PCDHGB1: variants seen among roughly 807,000 people sequenced by gnomAD.
PCDHGB1 encodes protocadherin gamma subfamily B, 1.
In PCDHGB1, 34 loss-of-function variants were observed where a neutral mutation model predicts 56.6. The observed-to-expected ratio is 0.60, with a 90% CI of 0.46 to 0.80. The LOEUF (loss-of-function observed/expected upper bound fraction) is 0.80, where lower values mean the gene tolerates loss of function less well. Ranked by LOEUF, PCDHGB1 falls within the 30% of genes least tolerant of loss-of-function variation. The probability of loss-of-function intolerance (pLI) is 0.00; values close to 1 mark genes in which losing one functional copy is unlikely to be tolerated. For missense variants in PCDHGB1, 1,278 were observed against 1,204.6 expected, an observed-to-expected ratio of 1.06 and a Z score of -0.90; for synonymous variants, 561 against 505.9, an observed-to-expected ratio of 1.11 and a Z score of -1.46.
chr5:141,360,494 C>A (rs769927521), intron 1 of PCDHGB1: 3 of 1,613,924 alleles, frequency 1.9e-6, no homozygotes, highest in Admixed American at 1.7e-5. Context: ...TTCTACATAG[C>A]AGTAATTGTG....
chr5:141,401,446 A>G (rs1200787289), intron 1 of PCDHGB1, among the ~76,000 whole-genome samples: 1 of 152,244 alleles, frequency 6.6e-6, no homozygotes, highest in Non-Finnish European at 1.5e-5. Context: ...GAAGGTCCAA[A>G]TCATCCAAAT....
At position 141,393,679 on chromosome 5, in the gene PCDHGB1, C is replaced by T. The variant is rs1188443485; in HGVS notation, c.2409+41010C>T. 4.3e-6 allele frequency: 7 copies of T among 1,613,894 alleles called. No individual in the cohort carries two copies. Among genetic ancestry groups the T allele is most frequent in the Non-Finnish European group, 5.9e-6 (7 of 1,179,900 alleles). ...TTCCGGAAAATTAATGAAAAACAAA[C>T]TCCGTTATTCCAGCTTAATGAAAAT... On this transcript the variant is annotated intron_variant, in intron 1 of 3. Transcript: ENST00000523390.
intron 1 of PCDHGB1, among the ~76,000 whole-genome samples, chr5:141,363,946 A>T (rs1763122244): frequency 1.3e-5 from 2 of 152,228 alleles, no homozygotes; most frequent in African/African-American, 4.8e-5. Flanking sequence ...AATCATATTG[A>T]TCTCAGGGAT....
At chr5:141,488,438 C>T (rs2099675393) in intron 1 of PCDHGB1, among the ~76,000 whole-genome samples, 1 of 152,146 alleles carries the variant, frequency 6.6e-6, no homozygotes, top group African/African-American at 2.4e-5. Flanking sequence ...CTCTGACCAC[C>T]CTCCTGGGTG....
intron 1 of PCDHGB1, chr5:141,366,278 G>T: frequency 1.2e-6 from 2 of 1,613,712 alleles, no homozygotes; most frequent in Non-Finnish European, 1.7e-6. Context: ...CGAAGACCAT[G>T]GCCAGCCCCC....
In PCDHGB1 at chr5:141,511,360, T is replaced by C; in HGVS notation, c.*187T>C. The C allele has an allele frequency of 7.5e-7, 1 of 1,333,050 alleles. No individual in the cohort carries two copies. Among genetic ancestry groups the C allele is most frequent in the Non-Finnish European group, 1.0e-6 (1 of 994,882 alleles). 82.6% of individuals were successfully genotyped at this position (1,333,050 alleles called of 1,614,324 possible). On this transcript the variant is annotated 3_prime_UTR_variant, in exon 4 of 4. Transcript: ENST00000523390. ...ACCTACCCCTTCCCCCCCAGGGGGT[T>C]GAATATGCAAAAGCAGTTCCGCTGG...
chr5:141,429,851 TC>T (rs1447325775), intron 1 of PCDHGB1, among the ~76,000 whole-genome samples: 2 of 152,224 alleles, frequency 1.3e-5, no homozygotes, highest in African/African-American at 4.8e-5. Context: ...TCTGTAACAT[TC>T]TTTGGACTAC....
At chr5:141,362,212 G>C in intron 1 of PCDHGB1, 1 of 1,614,048 alleles carries the variant, frequency 6.2e-7, no homozygotes, top group Non-Finnish European at 8.5e-7. Flanking sequence ...GTTTTACCTG[G>C]TTGTGGCCTT....
In PCDHGB1 at chr5:141,432,184, C is replaced by G; in HGVS notation, c.2410-62623C>G. 1 of 1,614,164 alleles carries G rather than the reference C, an allele frequency of 6.2e-7. No individual in the cohort carries two copies. The highest frequency in any genetic ancestry group is 2.2e-5 in the East Asian group (1 of 44,872). On this transcript the variant is annotated intron_variant, in intron 1 of 3. Coordinates refer to ENST00000523390, the MANE Select transcript of PCDHGB1 (RefSeq NM_018922.3). This position sits in a 1 kb window ranked among gnomAD's most constrained non-coding sequence, Gnocchi z 6.0. Reference sequence around the variant, plus strand: ...GAGGAGTTTCCCTCGTCTCTGTGACCGCCCACGACCCCGACTGTGAAGAGA... The same window carrying G: ...GAGGAGTTTCCCTCGTCTCTGTGACGGCCCACGACCCCGACTGTGAAGAGA...
chr5:141,366,049 G>T (rs542025009), intron 1 of PCDHGB1: 28 of 1,614,244 alleles, frequency 1.7e-5, no homozygotes, highest in African/African-American at 4.0e-5. Context: ...ACGGTTCCAC[G>T]GGCGTGGAGC....
At chr5:141,492,402 C>A (rs1254310448) in intron 1 of PCDHGB1, among the ~76,000 whole-genome samples, 1 of 152,232 alleles carries the variant, frequency 6.6e-6, no homozygotes, top group African/African-American at 2.4e-5. Flanking sequence ...TCGCAGCTCC[C>A]CTCTGCCGCT....
At chr5:141,363,892 G>C (rs1763101718) in intron 1 of PCDHGB1, among the ~76,000 whole-genome samples, 1 of 152,144 alleles carries the variant, frequency 6.6e-6, no homozygotes, top group Non-Finnish European at 1.5e-5. Flanking sequence ...AGGCTCCCCC[G>C]ATGACGCATT....
intron 1 of PCDHGB1, among the ~76,000 whole-genome samples, chr5:141,446,891 C>T (rs1457416718): frequency 6.6e-6 from 1 of 152,152 alleles, no homozygotes; most frequent in South Asian, 2.1e-4. Context: ...GGGTTCATGG[C>T]TGAGCTACTT....
chr5:141,356,537 A>G lies in PCDHGB1; in HGVS notation c.2409+3868A>G, dbSNP rs749492777. 49 of 1,614,028 alleles carry G rather than the reference A, an allele frequency of 3.0e-5. No individual in the cohort carries two copies. The Admixed American group carries it at 5.7e-4, about 19-fold the overall frequency. On this transcript the variant is annotated intron_variant, in intron 1 of 3. Transcript: ENST00000523390. ...ATTTCACTGCAAGTGATGGACATCAATGACAACCCACCCACTTTCCCTCAT... is the reference window on the plus strand; with the variant it reads ...ATTTCACTGCAAGTGATGGACATCAGTGACAACCCACCCACTTTCCCTCAT...
In PCDHGB1 at chr5:141,489,185, T is replaced by G; in HGVS notation, c.2410-5622T>G. The G allele has an allele frequency of 7.8e-7, 1 of 1,286,838 alleles. No individual in the cohort carries two copies. The highest frequency in any genetic ancestry group is 1.5e-5 in the African/African-American group (1 of 67,216). 79.7% of individuals were successfully genotyped at this position (1,286,838 alleles called of 1,614,324 possible). On this transcript the variant is annotated intron_variant, in intron 1 of 3. Transcript: ENST00000523390. The surrounding 1 kb of genome is among the most constrained non-coding windows in gnomAD (Gnocchi z 4.5). The stretch of plus-strand genomic sequence containing the variant: ...CAGCTGCTGCATTCCAAGCCCTGGG[T>G]CTACCTTGGAGACAGGACAGCACAG...
Position 141,352,665 on chromosome 5 carries a change from C to T in PCDHGB1, c.2405C>T (p.Ser802Leu), listed in dbSNP as rs755324921. ...ATCGCTTATGACCCTTCTTTGTCTT[C>T]GCACGTGAGTTTCTGCAAATCTAGT... ...HKIAYDPSLS[S>L]HQAPPNTDWR... Residue 802 changes from serine to leucine, a missense_variant, in exon 1 of 4, where the codon TCG (serine) becomes TTG (leucine). Ser to Leu is a moderately radical substitution (Grantham distance 145, BLOSUM62 -2). Coordinates refer to ENST00000523390, the MANE Select transcript of PCDHGB1 (RefSeq NM_018922.3). 4 of 1,587,432 alleles carry T rather than the reference C, an allele frequency of 2.5e-6. No individual in the cohort carries two copies. Among genetic ancestry groups the T allele is most frequent in the South Asian group, 1.1e-5 (1 of 88,350 alleles).
chr5:141,395,129 G>C (rs2093179899), intron 1 of PCDHGB1: 1 of 1,614,182 alleles, frequency 6.2e-7, no homozygotes, highest in African/African-American at 1.3e-5. Context: ...TCTTTCCCCA[G>C]CCCAACTACG....
intron 3 of PCDHGB1, 59 bp from the exon 4 acceptor site, chr5:141,510,888 A>C (rs2099883233): frequency 6.2e-7 from 1 of 1,612,646 alleles, no homozygotes. Flanking sequence ...GGGATATAAG[A>C]CAGTGACTGT....
At chr5:141,433,358 CCTATCTATCTATCTATCTAT>C (rs3074541) in intron 1 of PCDHGB1, 19 of 503,934 alleles carry the variant, frequency 3.8e-5, no homozygotes, top group South Asian at 2.3e-4. Flanking sequence ...CTACTGTCTG[CCTATCTATCTATCTATCTAT>C]CTATCTATCT....
Sources: gnomAD v4.1 joint callset for allele counts (sites outside exome capture counted in the v4.1 genomes callset) on GRCh38, gnomAD v4.1.1 for gene constraint, Gnocchi (gnomAD v3.1) non-coding constraint, MANE v1.5 for transcripts, NCBI Gene and HGNC (gene_info 2026-07-23, HGNC 2026-07-21) for gene names.